R3HDM2: variants seen among roughly 807,000 people sequenced by gnomAD.
R3HDM2 encodes the protein R3H domain-containing protein 2.
In R3HDM2, 38 loss-of-function variants were observed where a neutral mutation model predicts 124.5. That is an observed-to-expected ratio of 0.31 (90% CI 0.24 to 0.40). R3HDM2 has a LOEUF of 0.40. Among genes scored for constraint, R3HDM2 ranks in the 10% least tolerant of loss-of-function variants. The pLI, the probability that R3HDM2 is intolerant of heterozygous loss-of-function variation, is 1.00. For missense variants in R3HDM2, 869 were observed against 1,236.9 expected, an observed-to-expected ratio of 0.70 and a Z score of 4.46; for synonymous variants, 391 against 448.0, an observed-to-expected ratio of 0.87 and a Z score of 1.61.
intron 1 of R3HDM2, among the ~76,000 whole-genome samples, chr12:57,421,718 C>G (rs536039304): frequency 2.0e-5 from 3 of 151,440 alleles, no homozygotes; most frequent in Non-Finnish European, 4.4e-5. Flanking sequence ...TAAGTTGCCC[C>G]AGGCTAGTCT....
intron 17 of R3HDM2, 143 bp from the exon 18 acceptor site, chr12:57,268,600 GA>G: frequency 2.2e-6 from 2 of 897,542 alleles, no homozygotes; most frequent in Middle Eastern, 5.9e-4. Flanking sequence ...TCTGCCTAAA[GA>G]AAATGTTTCC....
Position 57,366,318 on chromosome 12 carries a change from C to G in R3HDM2, c.-36+29431G>C, listed in dbSNP as rs1393118902. 7.2e-5 allele frequency among the ~76,000 whole-genome samples: 11 copies of G among 152,198 alleles called. No homozygotes were observed. In the East Asian group the frequency reaches 2.1e-3, roughly 29 times the overall value. ...TATGTGTTGGTATGAGCCAGTACACCCAGCCTTTTTTTCTATATTACATTT... is the reference window on the plus strand; with the variant it reads ...TATGTGTTGGTATGAGCCAGTACACGCAGCCTTTTTTTCTATATTACATTT... On this transcript the variant is annotated intron_variant, in intron 2 of 23. Coordinates refer to ENST00000402412, the MANE Select transcript of R3HDM2 (RefSeq NM_001394031.1).
At chr12:57,345,210 T>A (rs1446400802) in intron 2 of R3HDM2, among the ~76,000 whole-genome samples, 1 of 152,016 alleles carries the variant, frequency 6.6e-6, no homozygotes, top group Non-Finnish European at 1.5e-5. Context: ...ATGTCTAATA[T>A]TCAGGACATT....
chr12:57,344,140 A>G (rs1438190365), intron 2 of R3HDM2, among the ~76,000 whole-genome samples: 3 of 152,216 alleles, frequency 2.0e-5, no homozygotes, highest in Non-Finnish European at 4.4e-5. Flanking sequence ...CTTCACACCT[A>G]AAACAATTCA....
intron 2 of R3HDM2, among the ~76,000 whole-genome samples, chr12:57,322,147 C>G (rs979269134): frequency 2.6e-5 from 4 of 152,098 alleles, no homozygotes; most frequent in Non-Finnish European, 5.9e-5. Context: ...ATCCTGGAGG[C>G]GGAGGTTGCA....
chr12:57,271,218 TCTC>T, intron 14 of R3HDM2, among the ~76,000 whole-genome samples: 1 of 152,210 alleles, frequency 6.6e-6, no homozygotes, highest in African/African-American at 2.4e-5. Context: ...AGCCTAGAAT[TCTC>T]CTGCCCTTCA....
intron 2 of R3HDM2, among the ~76,000 whole-genome samples, chr12:57,324,170 A>G (rs1299270292): frequency 6.6e-6 from 1 of 152,120 alleles, no homozygotes; most frequent in Non-Finnish European, 1.5e-5. Flanking sequence ...TCAGACAACA[A>G]TTCAGTATTA....
intron 11 of R3HDM2, among the ~76,000 whole-genome samples, chr12:57,290,677 G>T (rs1592815481): frequency 6.6e-6 from 1 of 152,076 alleles, no homozygotes; most frequent in South Asian, 2.1e-4. Context: ...GCAATGGCAC[G>T]ATCTTGGCTC....
intron 12 of R3HDM2, among the ~76,000 whole-genome samples, chr12:57,287,467 G>A (rs1286577944): frequency 1.3e-5 from 2 of 152,158 alleles, no homozygotes; most frequent in Admixed American, 6.5e-5. Context: ...ATGAACCACA[G>A]GGCAGGACAG....
At chr12:57,361,869 A>G (rs1454831129) in intron 2 of R3HDM2, among the ~76,000 whole-genome samples, 1 of 152,230 alleles carries the variant, frequency 6.6e-6, no homozygotes, top group Non-Finnish European at 1.5e-5. Context: ...AAGGTAACAG[A>G]AACAGCAGCT....
At chr12:57,387,840 C>T (rs1029276494) in intron 2 of R3HDM2, among the ~76,000 whole-genome samples, 1 of 152,092 alleles carries the variant, frequency 6.6e-6, no homozygotes, top group African/African-American at 2.4e-5. Context: ...GAACACCAAA[C>T]TGAGAGTAGT....
chr12:57,324,388 G>A (rs2056953692), intron 2 of R3HDM2, among the ~76,000 whole-genome samples: 2 of 152,096 alleles, frequency 1.3e-5, no homozygotes. Flanking sequence ...TCACCATGTT[G>A]GGCAGGCTGG....
chr12:57,354,842 C>T (rs1453539053), intron 2 of R3HDM2, among the ~76,000 whole-genome samples: 2 of 151,836 alleles, frequency 1.3e-5, no homozygotes, highest in Admixed American at 6.6e-5. Flanking sequence ...ATTTTATTTT[C>T]GAGACAGGGT....
intron 23 of R3HDM2, 70 bp downstream of exon 23, chr12:57,255,920 T>C (rs1228168629): frequency 7.1e-7 from 1 of 1,411,646 alleles, no homozygotes; most frequent in Non-Finnish European, 9.8e-7. Context: ...TTCCCACCCA[T>C]GCTGGACTGG....
chr12:57,301,695 A>G (rs1450289873), intron 4 of R3HDM2, among the ~76,000 whole-genome samples: 1 of 152,258 alleles, frequency 6.6e-6, no homozygotes, highest in East Asian at 1.9e-4. Flanking sequence ...AATTTATCAT[A>G]GTTCTTGGCC....
At chr12:57,394,780 G>A (rs182734238) in intron 2 of R3HDM2, among the ~76,000 whole-genome samples, 4 of 152,128 alleles carry the variant, frequency 2.6e-5, no homozygotes, top group Admixed American at 6.6e-5. Context: ...TATCTCAAGC[G>A]GGAAGAAATC....
chr12:57,393,050 C>T (rs1447183800), intron 2 of R3HDM2, among the ~76,000 whole-genome samples: 2 of 151,780 alleles, frequency 1.3e-5, no homozygotes, highest in Admixed American at 6.6e-5. Context: ...GTGATCCACC[C>T]GCCTTGGCCT....
At chr12:57,346,832 T>C (rs2060137559) in intron 2 of R3HDM2, among the ~76,000 whole-genome samples, 2 of 152,248 alleles carry the variant, frequency 1.3e-5, no homozygotes, top group South Asian at 2.1e-4. Flanking sequence ...GGGTTTTTAA[T>C]GTATGTAGAT....
chr12:57,346,824 G>A (rs1216995168), intron 2 of R3HDM2, among the ~76,000 whole-genome samples: 1 of 152,214 alleles, frequency 6.6e-6, no homozygotes, highest in Non-Finnish European at 1.5e-5. Flanking sequence ...AGTTGATGGG[G>A]TTTTTAATGT....
Sources: allele counts gnomAD v4.1 joint callset (sites outside exome capture counted in the v4.1 genomes callset), GRCh38; gene constraint gnomAD v4.1.1; transcripts MANE v1.5; gene names NCBI Gene and HGNC (gene_info 2026-07-23, HGNC 2026-07-21).